Variants in GRID2 observed in about 807,000 individuals in gnomAD.
The protein encoded by GRID2 is glutamate ionotropic receptor delta type subunit 2.
In GRID2, 33 loss-of-function variants were observed where a neutral mutation model predicts 114.8. The ratio of observed to expected loss-of-function variants is 0.29; its 90% confidence interval spans 0.22 to 0.38. The LOEUF is 0.38. GRID2 is among the 10% of genes least tolerant of loss of function. The pLI is 1.00. For missense variants in GRID2, 1,184 were observed against 1,257.7 expected, an observed-to-expected ratio of 0.94 and a Z score of 0.89; for synonymous variants, 505 against 449.9, an observed-to-expected ratio of 1.12 and a Z score of -1.55.
chr4:92,332,111 C>G (rs1726922033), intron 1 of GRID2, among the ~76,000 whole-genome samples: 1 of 152,142 alleles, frequency 6.6e-6, no homozygotes. Flanking sequence ...AGTGATAGTA[C>G]TTTTCTCAGT....
chr4:92,497,244 T>C lies in GRID2; in HGVS notation c.89-92887T>C, dbSNP rs200574697. Among the ~76,000 whole-genome samples the C allele has an allele frequency of 1.5e-4, 23 of 151,986 alleles. 1 individual carries two copies. In the East Asian group the frequency reaches 4.4e-3, roughly 29 times the overall value. On this transcript the variant is annotated intron_variant, in intron 1 of 15. Coordinates refer to ENST00000282020, the MANE Select transcript of GRID2 (RefSeq NM_001510.4). ...AAGGATTTGTGAATTTTTTATGGAA[T>C]GCCACTTAGTAGGTGTCAAAACATA...
At chr4:92,754,843 A>G (rs1737631491) in intron 2 of GRID2, among the ~76,000 whole-genome samples, 2 of 152,176 alleles carry the variant, frequency 1.3e-5, no homozygotes, top group Non-Finnish European at 2.9e-5. Flanking sequence ...TTATTTTCCA[A>G]TTGTCGCTCT....
At chr4:92,611,945 T>C (rs1052709628) in intron 2 of GRID2, among the ~76,000 whole-genome samples, 1 of 151,542 alleles carries the variant, frequency 6.6e-6, no homozygotes, top group Non-Finnish European at 1.5e-5. Flanking sequence ...AGTCCATGAT[T>C]TTCCCCCCTA....
intron 14 of GRID2, among the ~76,000 whole-genome samples, chr4:93,659,246 G>T (rs1354306571): frequency 6.6e-6 from 1 of 152,138 alleles, no homozygotes; most frequent in Non-Finnish European, 1.5e-5. Flanking sequence ...ATGTGCACAG[G>T]TGATTCCCAG....
chr4:92,418,282 C>G (rs1052600647), intron 1 of GRID2, among the ~76,000 whole-genome samples: 4 of 151,928 alleles, frequency 2.6e-5, no homozygotes, highest in African/African-American at 9.7e-5. Flanking sequence ...TGGGAGATGG[C>G]CAAAATGGCT....
chr4:92,907,695 C>A (rs1748061209), intron 2 of GRID2, among the ~76,000 whole-genome samples: 1 of 152,052 alleles, frequency 6.6e-6, no homozygotes, highest in South Asian at 2.1e-4. Flanking sequence ...CAGGCATGAG[C>A]CCCCACACCT....
chr4:92,944,357 A>G lies in GRID2; in HGVS notation c.245-140638A>G, dbSNP rs930270211. On this transcript the variant is annotated intron_variant, in intron 2 of 15. Coordinates refer to ENST00000282020, the MANE Select transcript of GRID2 (RefSeq NM_001510.4). ...TAGCAATGAGTGAGGCTCCGTGGGC[A>G]TAGGACCCTCTGAGCCAGGTGCTGG... Among the ~76,000 whole-genome samples, 6 of 152,206 alleles carry G rather than the reference A, an allele frequency of 3.9e-5. No individual in the cohort carries two copies. In the East Asian group the frequency reaches 1.2e-3, roughly 29 times the overall value.
chr4:93,554,971 G>A (rs1022357411), intron 13 of GRID2, among the ~76,000 whole-genome samples: 1 of 152,146 alleles, frequency 6.6e-6, no homozygotes, highest in African/African-American at 2.4e-5. Flanking sequence ...GCTGAAGCAG[G>A]GTTGGGCATC....
intron 2 of GRID2, among the ~76,000 whole-genome samples, chr4:92,852,555 G>A (rs908458429): frequency 6.6e-6 from 1 of 151,898 alleles, no homozygotes; most frequent in Non-Finnish European, 1.5e-5. Context: ...CTGCTTCAGT[G>A]ACCCCACTCT....
chr4:93,443,760 A>G (rs761851315), intron 10 of GRID2, among the ~76,000 whole-genome samples: 11 of 151,950 alleles, frequency 7.2e-5, no homozygotes, highest in Non-Finnish European at 1.5e-5. Flanking sequence ...AAAAACCTTT[A>G]AGTCAATGAC....
At chr4:93,065,688 A>T (rs1324164543) in intron 2 of GRID2, among the ~76,000 whole-genome samples, 1 of 151,930 alleles carries the variant, frequency 6.6e-6, no homozygotes, top group Non-Finnish European at 1.5e-5. Context: ...CTTGAATTAC[A>T]GCACCAAACA....
chr4:92,924,365 A>C (rs896762291), intron 2 of GRID2, among the ~76,000 whole-genome samples: 8 of 151,916 alleles, frequency 5.3e-5, no homozygotes, highest in African/African-American at 1.9e-4. Context: ...TAACCTGCAC[A>C]TTGTGCACAT....
intron 14 of GRID2, among the ~76,000 whole-genome samples, chr4:93,724,201 C>T (rs903186249): frequency 4.6e-5 from 7 of 152,160 alleles, no homozygotes; most frequent in East Asian, 1.9e-4. Flanking sequence ...TGATTTTAAA[C>T]CCACCATGCT....
intron 3 of GRID2, among the ~76,000 whole-genome samples, chr4:93,098,635 A>G (rs1048553395): frequency 6.6e-6 from 1 of 151,944 alleles, no homozygotes; most frequent in African/African-American, 2.4e-5. Flanking sequence ...CTGATTTACT[A>G]GAATGAAGCA....
At chr4:93,736,367 C>T (rs1016099234) in intron 14 of GRID2, among the ~76,000 whole-genome samples, 1 of 152,022 alleles carries the variant, frequency 6.6e-6, no homozygotes, top group Non-Finnish European at 1.5e-5. Context: ...GAGATGCATT[C>T]TATTATTATC....
At chr4:93,613,177 A>G (rs920571724) in intron 13 of GRID2, among the ~76,000 whole-genome samples, 14 of 148,996 alleles carry the variant, frequency 9.4e-5, no homozygotes, top group Non-Finnish European at 1.9e-4. Context: ...TCCTTTAAAC[A>G]CTTCTCTGTA....
intron 13 of GRID2, among the ~76,000 whole-genome samples, chr4:93,592,726 T>C (rs1040189069): frequency 6.6e-6 from 1 of 152,198 alleles, no homozygotes; most frequent in African/African-American, 2.4e-5. Flanking sequence ...ACTTGCTTTA[T>C]GAATCTGGGT....
chr4:92,655,035 GAAGTCTTT>G (rs1732158908), intron 2 of GRID2, among the ~76,000 whole-genome samples: 2 of 151,774 alleles, frequency 1.3e-5, no homozygotes, highest in Non-Finnish European at 2.9e-5. Flanking sequence ...GGTTTTATTG[GAAGTCTTT>G]AACCCATCTT....
At chr4:92,493,926 T>C (rs1303869648) in intron 1 of GRID2, among the ~76,000 whole-genome samples, 1 of 152,174 alleles carries the variant, frequency 6.6e-6, no homozygotes, top group Non-Finnish European at 1.5e-5. Context: ...GTCTTTTTAG[T>C]TTACGTATAA....
Sources: gnomAD v4.1 joint callset for allele counts (sites outside exome capture counted in the v4.1 genomes callset) on GRCh38, gnomAD v4.1.1 for gene constraint, MANE v1.5 for transcripts, NCBI Gene and HGNC (gene_info 2026-07-23, HGNC 2026-07-21) for gene names.